The following THSD4 variants were observed in gnomAD, a reference collection of about 807,000 sequenced individuals.
THSD4 encodes the protein thrombospondin type 1 domain containing 4.
In THSD4, 69 loss-of-function variants were observed where a neutral mutation model predicts 119.0. That is an observed-to-expected ratio of 0.58 (90% CI 0.48 to 0.71). The LOEUF (loss-of-function observed/expected upper bound fraction) is 0.71, where lower values mean the gene tolerates loss of function less well. THSD4 is among the 30% of genes least tolerant of loss of function. THSD4 has a pLI of 0.00. For synonymous variants in THSD4, 524 were observed against 540.4 expected, an observed-to-expected ratio of 0.97 and a Z score of 0.42; for missense variants, 1,393 against 1,391.1, an observed-to-expected ratio of 1.00 and a Z score of -0.02.
At chr15:71,237,531 G>A (rs1225051395) in intron 4 of THSD4, among the ~76,000 whole-genome samples, 1 of 152,182 alleles carries the variant, frequency 6.6e-6, no homozygotes, top group African/African-American at 2.4e-5. Context: ...TGCAGTCCCA[G>A]GACCCACCAC....
At chr15:71,337,754 C>T (rs181242295) in intron 6 of THSD4, among the ~76,000 whole-genome samples, 1 of 152,028 alleles carries the variant, frequency 6.6e-6, no homozygotes, top group Non-Finnish European at 1.5e-5. Flanking sequence ...CCAGGTGAAC[C>T]TAGTAGAGGC....
Position 71,765,082 on chromosome 15 carries a change from A to G in THSD4, c.2652A>G (p.Ala884=), listed in dbSNP as rs1194733826. Residue 884 remains alanine, a synonymous_variant, in exon 16 of 18, where the codon GCA becomes GCG. Transcript: ENST00000261862. ...AGGTGATTTGTGTTAGAAAGAATGC[A>G]GACACCTTTGAAGTGTTGGACCCCT... ...QREVICVRKN[A]DTFEVLDPSE... 6.2e-7 allele frequency: 1 copy of G among 1,614,278 alleles called. No individual in the cohort carries two copies. The highest frequency in any genetic ancestry group is 2.2e-5 in the East Asian group (1 of 44,892).
chr15:71,563,471 G>C (rs1040390124), intron 7 of THSD4, among the ~76,000 whole-genome samples: 4 of 152,152 alleles, frequency 2.6e-5, no homozygotes, highest in African/African-American at 4.8e-5. Context: ...TCAGGTAAAG[G>C]CGGCCCTCTA....
At chr15:71,326,670 T>C (rs1361003640) in intron 6 of THSD4, among the ~76,000 whole-genome samples, 2 of 16,936 alleles carry the variant, frequency 1.2e-4, no homozygotes, top group East Asian at 2.3e-3. Flanking sequence ...CAAGATTCCA[T>C]CTCAAAAAAA....
At chr15:71,594,465 C>T (rs1227549612) in intron 7 of THSD4, among the ~76,000 whole-genome samples, 1 of 150,278 alleles carries the variant, frequency 6.7e-6, no homozygotes, top group African/African-American at 2.5e-5. Flanking sequence ...CCTCGGCCTC[C>T]CCTCTTAGTA....
chr15:71,149,676 G>A (rs2040701062), intron 2 of THSD4, among the ~76,000 whole-genome samples: 1 of 152,130 alleles, frequency 6.6e-6, no homozygotes, highest in African/African-American at 2.4e-5. Context: ...TATCTCTTGG[G>A]TTGTATTAAC....
chr15:71,659,620 C>T (rs547898280), intron 7 of THSD4, among the ~76,000 whole-genome samples: 2 of 152,222 alleles, frequency 1.3e-5, no homozygotes, highest in South Asian at 4.2e-4. Flanking sequence ...CTGAGTTGCC[C>T]AGGCTGGTCT....
At chr15:71,530,616 A>G (rs956565957) in intron 7 of THSD4, among the ~76,000 whole-genome samples, 13 of 152,170 alleles carry the variant, frequency 8.5e-5, no homozygotes, top group Non-Finnish European at 4.4e-5. Flanking sequence ...GTATCAGCTG[A>G]CATCTCAGTG....
At chr15:71,249,968 C>A (rs2044243565) in intron 5 of THSD4, among the ~76,000 whole-genome samples, 1 of 152,138 alleles carries the variant, frequency 6.6e-6, no homozygotes, top group Non-Finnish European at 1.5e-5. Context: ...AGTAAATTAA[C>A]AATTTTTATT....
At chr15:71,621,790 A>C (rs534853955) in intron 7 of THSD4, among the ~76,000 whole-genome samples, 2 of 152,246 alleles carry the variant, frequency 1.3e-5, no homozygotes, top group Non-Finnish European at 2.9e-5. Flanking sequence ...CTCTAGATAA[A>C]TGGAACTTCC....
intron 4 of THSD4, among the ~76,000 whole-genome samples, chr15:71,224,438 A>C (rs1229374280): frequency 1.3e-5 from 2 of 152,146 alleles, no homozygotes; most frequent in Non-Finnish European, 2.9e-5. Context: ...TGTGCTTTTC[A>C]AGCTGTTTGG....
intron 1 of THSD4, among the ~76,000 whole-genome samples, chr15:71,132,544 T>C (rs992029872): frequency 1.1e-4 from 16 of 152,258 alleles, no homozygotes; most frequent in African/African-American, 2.7e-4. Context: ...GTTGGGTTAT[T>C]AGGTAATACA....
intron 7 of THSD4, among the ~76,000 whole-genome samples, chr15:71,555,609 T>C (rs1004670771): frequency 3.3e-5 from 5 of 152,218 alleles, no homozygotes; most frequent in Non-Finnish European, 7.4e-5. Context: ...AAAGTGTCTT[T>C]AGCTAAACAG....
chr15:71,136,017 T>A (rs1422763132), intron 1 of THSD4, among the ~76,000 whole-genome samples: 2 of 104,588 alleles, frequency 1.9e-5, no homozygotes, highest in African/African-American at 6.6e-5. Flanking sequence ...TTTTTTTTTT[T>A]AAGACTCCAG....
chr15:71,538,025 G>T (rs1461398246), intron 7 of THSD4, among the ~76,000 whole-genome samples: 1 of 152,032 alleles, frequency 6.6e-6, no homozygotes, highest in Non-Finnish European at 1.5e-5. Context: ...CTTCCAAAGT[G>T]CTGGGATTAC....
In THSD4 at chr15:71,759,534, A is replaced by G. The variant is rs77667039; in HGVS notation, c.2589+1459A>G. On this transcript the variant is annotated intron_variant, in intron 15 of 17. Coordinates refer to ENST00000261862, the MANE Select transcript of THSD4 (RefSeq NM_024817.3). ...AATAAATATTGGTTCCCATCTCTCT[A>G]TGTTTATTTTTTCTGCCAGCTATTT... Among the ~76,000 whole-genome samples the G allele has an allele frequency of 9.4e-3, 1,431 of 152,312 alleles. 16 individuals carry two copies. The highest frequency in any genetic ancestry group is 0.033 in the African/African-American group (1,353 of 41,570).
chr15:71,514,577 G>T (rs2048329303), intron 7 of THSD4, among the ~76,000 whole-genome samples: 1 of 151,998 alleles, frequency 6.6e-6, no homozygotes, highest in African/African-American at 2.4e-5. Flanking sequence ...TTTGTTTTTT[G>T]TTGCTGAGTA....
chr15:71,467,865 T>TTC (rs1566994844), intron 7 of THSD4, among the ~76,000 whole-genome samples: 14 of 151,244 alleles, frequency 9.3e-5, no homozygotes, highest in Admixed American at 2.6e-4. Context: ...TTTTCTTTTT[T>TTC]TGAGACGGAG....
chr15:71,696,980 A>G lies in THSD4; in HGVS notation c.1358-31569A>G, dbSNP rs962940567. On this transcript the variant is annotated intron_variant, in intron 8 of 17. Coordinates refer to ENST00000261862, the MANE Select transcript of THSD4 (RefSeq NM_024817.3). ...CAGTGTACAGGACAGTCACAAGCCC[A>G]TGCGACTTGAGAGGCAGCCTTCAGA... 9.8e-5 allele frequency among the ~76,000 whole-genome samples: 15 copies of G among 152,356 alleles called. No homozygotes were observed. The South Asian group carries it at 1.9e-3, about 19-fold the overall frequency.
Sources: allele counts gnomAD v4.1 joint callset (sites outside exome capture counted in the v4.1 genomes callset), GRCh38; gene constraint gnomAD v4.1.1; transcripts MANE v1.5; gene names NCBI Gene and HGNC (gene_info 2026-07-23, HGNC 2026-07-21).